Variants in C12orf50 observed in about 807,000 individuals in gnomAD.
The protein encoded by C12orf50 is zinc finger CCCH-type containing 11D.
C12orf50 carries 35 observed loss-of-function variants against 61.6 expected under a neutral mutation model. The observed-to-expected ratio is 0.57, with a 90% CI of 0.43 to 0.75. C12orf50 has a LOEUF of 0.75. C12orf50 is among the 30% of genes least tolerant of loss of function. The pLI is 0.00. For synonymous variants in C12orf50, 178 were observed against 161.5 expected (o/e 1.10, Z -0.77); for missense variants, 475 against 488.5 (o/e 0.97, Z 0.26).
intron 7 of C12orf50, 31 bp from the exon 8 acceptor site, chr12:87,989,402 A>G (rs1299446666): frequency 1.3e-6 from 2 of 1,498,824 alleles, no homozygotes; most frequent in African/African-American, 2.8e-5. Flanking sequence ...CAGTGGCAAC[A>G]ATGGCAGAAA....
chr12:88,006,479 G>A (rs557823550), intron 3 of C12orf50, among the ~76,000 whole-genome samples: 5 of 152,298 alleles, frequency 3.3e-5, no homozygotes, highest in African/African-American at 1.2e-4. Context: ...CTAAGAGCAA[G>A]GACAGTCACT....
chr12:88,012,666 G>T (rs1400891487), intron 3 of C12orf50, among the ~76,000 whole-genome samples: 2 of 152,046 alleles, frequency 1.3e-5, no homozygotes, highest in African/African-American at 4.8e-5. Flanking sequence ...TACTATTTTT[G>T]CAAAACAAAA....
At chr12:88,005,964 TG>T (rs1236838369) in intron 3 of C12orf50, among the ~76,000 whole-genome samples, 1 of 145,268 alleles carries the variant, frequency 6.9e-6, no homozygotes, top group African/African-American at 2.6e-5. Context: ...TCGCCCAGGC[TG>T]GAGTGCAGTG....
intron 7 of C12orf50, among the ~76,000 whole-genome samples, chr12:87,990,036 G>A (rs1018512826): frequency 3.9e-5 from 6 of 151,922 alleles, no homozygotes; most frequent in Non-Finnish European, 7.4e-5. Context: ...TCGCTATTTG[G>A]TAGTGAAAAC....
intron 11 of C12orf50, chr12:87,984,006 A>G (rs2030666777): frequency 6.8e-6 from 1 of 146,250 alleles, no homozygotes; most frequent in South Asian, 2.3e-4. Context: ...AGTCCCACCA[A>G]CAGTGTAAAA....
intron 3 of C12orf50, among the ~76,000 whole-genome samples, chr12:88,006,772 C>T (rs2031901748): frequency 1.3e-5 from 2 of 152,088 alleles, no homozygotes; most frequent in Admixed American, 6.6e-5. Context: ...AGCTTTCTCC[C>T]CCCAGAAAGG....
Position 87,986,047 on chromosome 12 carries a change from T to G in C12orf50, c.929A>C (p.Gln310Pro). 6.2e-7 allele frequency: 1 copy of G among 1,613,612 alleles called. No individual in the cohort carries two copies. The highest frequency in any genetic ancestry group is 8.5e-7 in the Non-Finnish European group (1 of 1,179,650). ...FPNSGMQRAV[Q>P]APRPQNKMSY... ...CATTTTATTTTGGGGTCTTGGGGCCTGTACTGCTGTAAAGAAAGGTGGGAG... is the reference window on the plus strand; with the variant it reads ...CATTTTATTTTGGGGTCTTGGGGCCGGTACTGCTGTAAAGAAAGGTGGGAG... Residue 310 changes from glutamine (Q) to proline (P), a missense_variant, in exon 11 of 13, where the codon CAG (glutamine) becomes CCG (proline). Transcript: ENST00000298699.
At chr12:88,029,460 T>C (rs575083072), upstream of C12orf50, 1 of 156,460 alleles carries the variant, frequency 6.4e-6, no homozygotes, top group South Asian at 1.9e-4. Flanking sequence ...ACCTCACATG[T>C]AACTGCAGGC....
chr12:88,013,223 C>T (rs1352200061), intron 3 of C12orf50, among the ~76,000 whole-genome samples: 1 of 151,860 alleles, frequency 6.6e-6, no homozygotes, highest in Admixed American at 6.6e-5. Flanking sequence ...AAAAATAAAA[C>T]TAACAATTTT....
chr12:88,026,154 C>T (rs1025746447), intron 3 of C12orf50, among the ~76,000 whole-genome samples: 17 of 152,146 alleles, frequency 1.1e-4, no homozygotes, highest in African/African-American at 4.1e-4. Flanking sequence ...GGTATGACCT[C>T]TAAGCTTGGC....
chr12:88,027,137 T>G, intron 1 of C12orf50, 67 bp from the exon 2 acceptor site: 26 of 1,453,280 alleles, frequency 1.8e-5, no homozygotes, highest in Non-Finnish European at 2.4e-5. Context: ...AACAATAGGT[T>G]GCTAATTAGT....
At chr12:88,021,086 A>T (rs1022654821) in intron 3 of C12orf50, among the ~76,000 whole-genome samples, 4 of 152,154 alleles carry the variant, frequency 2.6e-5, no homozygotes, top group African/African-American at 9.7e-5. Flanking sequence ...AGAAAGAAAG[A>T]TCTCAAATTA....
At chr12:87,980,804 G>T (rs1260600448) in intron 12 of C12orf50, among the ~76,000 whole-genome samples, 1 of 152,100 alleles carries the variant, frequency 6.6e-6, no homozygotes, top group Non-Finnish European at 1.5e-5. Context: ...TATCCCCACA[G>T]TATCCAACAA....
At chr12:87,994,405 T>C in intron 7 of C12orf50, among the ~76,000 whole-genome samples, 1 of 151,872 alleles carries the variant, frequency 6.6e-6, no homozygotes, top group East Asian at 1.9e-4. Flanking sequence ...CACAGGTTTC[T>C]CATTAAAATA....
At chr12:88,012,729 A>G (rs4405399) in intron 3 of C12orf50, among the ~76,000 whole-genome samples, 12,973 of 152,240 alleles carry the variant, frequency 0.085, 606 homozygotes, top group African/African-American at 0.11. Flanking sequence ...CCCAATTTAA[A>G]AGATATCCTA....
At chr12:88,020,972 G>T (rs1017705328) in intron 3 of C12orf50, among the ~76,000 whole-genome samples, 2 of 152,068 alleles carry the variant, frequency 1.3e-5, no homozygotes, top group Admixed American at 6.5e-5. Flanking sequence ...CAGAAATCAA[G>T]AAATTCTTTG....
At chr12:88,004,326 C>T (rs988242940) in intron 3 of C12orf50, among the ~76,000 whole-genome samples, 1 of 152,054 alleles carries the variant, frequency 6.6e-6, no homozygotes, top group Admixed American at 6.5e-5. Context: ...TAGAGAAATG[C>T]AACTCAAAAC....
chr12:87,998,266 C>T, intron 3 of C12orf50, 76 bp from the exon 4 acceptor site: 2 of 1,131,992 alleles, frequency 1.8e-6, no homozygotes, highest in Non-Finnish European at 2.5e-6. Context: ...CAATCATTGC[C>T]CTCCTAATTA....
intron 3 of C12orf50, among the ~76,000 whole-genome samples, chr12:88,016,287 AAATTT>A (rs759675103): frequency 3.3e-5 from 5 of 152,206 alleles, no homozygotes; most frequent in Non-Finnish European, 5.9e-5. Flanking sequence ...ACCTCACCCT[AAATTT>A]ATCAATTAAT....
Sources: gnomAD v4.1 joint callset for allele counts (sites outside exome capture counted in the v4.1 genomes callset) on GRCh38, gnomAD v4.1.1 for gene constraint, MANE v1.5 for transcripts, NCBI Gene and HGNC (gene_info 2026-07-23, HGNC 2026-07-21) for gene names.